The following DLG2 variants were observed in gnomAD, a reference collection of about 807,000 sequenced individuals.
DLG2 encodes the protein discs large MAGUK scaffold protein 2.
In DLG2, 45 loss-of-function variants were observed where a neutral mutation model predicts 132.5. The ratio of observed to expected loss-of-function variants is 0.34; its 90% CI spans 0.27 to 0.44. The LOEUF (loss-of-function observed/expected upper bound fraction) is 0.44, where lower values mean the gene tolerates loss of function less well. Among genes scored for constraint, DLG2 ranks in the 20% least tolerant of loss-of-function variants. DLG2 has a pLI of 1.00. For synonymous variants in DLG2, 424 were observed against 419.6 expected (o/e 1.01, Z -0.13); for missense variants, 1,045 against 1,196.9 (o/e 0.87, Z 1.87).
chr11:84,328,502 G>C (rs1303175924), intron 7 of DLG2, among the ~76,000 whole-genome samples: 3 of 152,164 alleles, frequency 2.0e-5, no homozygotes, highest in Non-Finnish European at 4.4e-5. Flanking sequence ...TTGAAGTAGA[G>C]TGCCTGGCTT....
intron 18 of DLG2, among the ~76,000 whole-genome samples, chr11:83,667,975 C>CAA (rs10688898): frequency 0.094 from 3,655 of 39,060 alleles, 892 homozygotes; most frequent in African/African-American, 0.32. Context: ...GACTCCGTCT[C>CAA]AAAAAAAAAA....
At chr11:84,078,717 T>G (rs1284557994) in intron 10 of DLG2, among the ~76,000 whole-genome samples, 1 of 152,174 alleles carries the variant, frequency 6.6e-6, no homozygotes, top group African/African-American at 2.4e-5. Context: ...TAACCTACAT[T>G]AAAAGTCTGA....
chr11:84,962,507 C>T (rs2052722862), intron 6 of DLG2, among the ~76,000 whole-genome samples: 1 of 152,140 alleles, frequency 6.6e-6, no homozygotes, highest in African/African-American at 2.4e-5. Context: ...ATGAAGATCA[C>T]CTGAAATCTT....
intron 11 of DLG2, among the ~76,000 whole-genome samples, chr11:83,984,658 G>A (rs867912616): frequency 1.3e-5 from 2 of 151,930 alleles, no homozygotes; most frequent in African/African-American, 2.4e-5. Flanking sequence ...TATCGAGCAC[G>A]GCCAAAGTAA....
chr11:83,560,836 T>C (rs1366452231), intron 19 of DLG2, among the ~76,000 whole-genome samples: 2 of 116,042 alleles, frequency 1.7e-5, no homozygotes, highest in Non-Finnish European at 3.5e-5. Context: ...AAGTCCTCCG[T>C]AAATCATTTT....
At chr11:84,719,261 T>C (rs1308591914) in intron 6 of DLG2, among the ~76,000 whole-genome samples, 1 of 152,198 alleles carries the variant, frequency 6.6e-6, no homozygotes, top group African/African-American at 2.4e-5. Flanking sequence ...CAATCTCTGG[T>C]GTTATCTTTC....
intron 11 of DLG2, among the ~76,000 whole-genome samples, chr11:83,986,136 G>T (rs1055089478): frequency 6.6e-6 from 1 of 151,434 alleles, no homozygotes; most frequent in Non-Finnish European, 1.5e-5. Context: ...GTATACATGT[G>T]CCATGTTGGT....
At chr11:84,733,180 G>A (rs1042399680) in intron 6 of DLG2, among the ~76,000 whole-genome samples, 5 of 152,082 alleles carry the variant, frequency 3.3e-5, no homozygotes, top group Non-Finnish European at 7.4e-5. Flanking sequence ...TGGGTCAAAT[G>A]GTATTTTTAG....
At chr11:85,446,704 AG>A (rs2092025742) in intron 3 of DLG2, among the ~76,000 whole-genome samples, 1 of 152,124 alleles carries the variant, frequency 6.6e-6, no homozygotes. Context: ...CTTATTCTAA[AG>A]CCCATGCTAT....
chr11:84,407,241 C>T (rs768858330), intron 7 of DLG2, among the ~76,000 whole-genome samples: 3 of 152,128 alleles, frequency 2.0e-5, no homozygotes, highest in African/African-American at 7.2e-5. Context: ...CCCACCCCTC[C>T]CATTTCTCCC....
intron 6 of DLG2, among the ~76,000 whole-genome samples, chr11:84,891,519 G>A (rs905832450): frequency 6.6e-6 from 1 of 151,878 alleles, no homozygotes; most frequent in Non-Finnish European, 1.5e-5. Flanking sequence ...AAATATGACA[G>A]GAAATTAATG....
intron 4 of DLG2, among the ~76,000 whole-genome samples, chr11:85,168,775 G>A (rs549712226): frequency 2.0e-5 from 3 of 152,114 alleles, no homozygotes; most frequent in African/African-American, 7.2e-5. Context: ...CAGCTATATA[G>A]TTGTTTATGG....
At chr11:84,323,082 A>T (rs2098413382) in intron 7 of DLG2, among the ~76,000 whole-genome samples, 2 of 152,116 alleles carry the variant, frequency 1.3e-5, no homozygotes, top group Admixed American at 6.6e-5. Flanking sequence ...ACTCTCTTAA[A>T]TTTTTAAGTG....
intron 3 of DLG2, among the ~76,000 whole-genome samples, chr11:85,487,499 T>C (rs115778648): frequency 0.023 from 3,382 of 148,654 alleles, 120 homozygotes; most frequent in African/African-American, 0.078. Context: ...CAAATAGAAC[T>C]TATGGAACTG....
At chr11:85,064,484 C>A (rs1432112192) in intron 6 of DLG2, among the ~76,000 whole-genome samples, 1 of 151,734 alleles carries the variant, frequency 6.6e-6, no homozygotes, top group Non-Finnish European at 1.5e-5. Flanking sequence ...TACCTCGCCA[C>A]TTACATATAA....
chr11:84,334,581 A>C (rs556718260), intron 7 of DLG2, among the ~76,000 whole-genome samples: 36 of 152,344 alleles, frequency 2.4e-4, no homozygotes, highest in African/African-American at 8.7e-4. Flanking sequence ...GCTAAGAACT[A>C]AATATAGGAA....
intron 3 of DLG2, among the ~76,000 whole-genome samples, chr11:85,516,720 C>A (rs1301517724): frequency 6.6e-6 from 1 of 151,908 alleles, no homozygotes; most frequent in Non-Finnish European, 1.5e-5. Flanking sequence ...CAAGATTGAA[C>A]CCTAAAAATA....
intron 4 of DLG2, among the ~76,000 whole-genome samples, chr11:85,163,324 C>T (rs2078181227): frequency 6.6e-6 from 1 of 152,084 alleles, no homozygotes; most frequent in Admixed American, 6.6e-5. Context: ...AAGCAACTAT[C>T]TTTTGATCTC....
chr11:85,048,871 T>C (rs2062616190), intron 6 of DLG2, among the ~76,000 whole-genome samples: 2 of 152,042 alleles, frequency 1.3e-5, no homozygotes, highest in Non-Finnish European at 2.9e-5. Context: ...TCTGAGAACA[T>C]GGAGAAATGA....
Sources: allele counts gnomAD v4.1 joint callset (sites outside exome capture counted in the v4.1 genomes callset), GRCh38; gene constraint gnomAD v4.1.1; transcripts MANE v1.5; gene names NCBI Gene and HGNC (gene_info 2026-07-23, HGNC 2026-07-21).